The following SENP1 variants were observed in gnomAD, a reference collection of about 807,000 sequenced individuals.
SENP1 encodes the protein sentrin-specific protease 1.
Under a neutral mutation model 93.0 loss-of-function variants are expected in SENP1, and 21 were observed. The observed-to-expected ratio is 0.23, with a 90% confidence interval of 0.16 to 0.33. The LOEUF (loss-of-function observed/expected upper bound fraction) is 0.33. Ranked by LOEUF, SENP1 falls within the 10% of genes least tolerant of loss-of-function variation. The pLI, the probability that SENP1 is intolerant of heterozygous loss-of-function variation, is 1.00. For missense variants in SENP1, 591 were observed against 758.7 expected, an observed-to-expected ratio of 0.78 and a Z score of 2.60; for synonymous variants, 256 against 259.6, an observed-to-expected ratio of 0.99 and a Z score of 0.13.
chr12:48,092,330 A>G (rs1945274711), intron 4 of SENP1, among the ~76,000 whole-genome samples: 1 of 152,244 alleles, frequency 6.6e-6, no homozygotes, highest in Admixed American at 6.5e-5. Flanking sequence ...GATTATCAGA[A>G]AAGAATATAT....
chr12:48,076,954 T>C (rs1487669575), intron 6 of SENP1, among the ~76,000 whole-genome samples: 1 of 152,212 alleles, frequency 6.6e-6, no homozygotes, highest in Non-Finnish European at 1.5e-5. Context: ...CACCAATTTG[T>C]AGTTTAACAC....
intron 1 of SENP1, chr12:48,105,662 A>G (rs1946483940): frequency 2.3e-6 from 1 of 429,654 alleles, no homozygotes; most frequent in Admixed American, 3.5e-5. Context: ...AGCTCTCCCC[A>G]GAGAAGACCC....
intron 13 of SENP1, among the ~76,000 whole-genome samples, chr12:48,050,792 C>T (rs1358281598): frequency 6.6e-6 from 1 of 152,138 alleles, no homozygotes; most frequent in Non-Finnish European, 1.5e-5. Context: ...GAAAAATTGG[C>T]AAGAAGGAAT....
intron 13 of SENP1, among the ~76,000 whole-genome samples, chr12:48,054,405 T>C (rs1244844920): frequency 6.6e-6 from 1 of 152,240 alleles, no homozygotes; most frequent in Non-Finnish European, 1.5e-5. Context: ...ATCTAATTTG[T>C]ATAATGTTAA....
chr12:48,056,175 A>ATATATATTATTTAATATATAG (rs1942290197), intron 13 of SENP1, among the ~76,000 whole-genome samples: 1 of 113,590 alleles, frequency 8.8e-6, no homozygotes, highest in African/African-American at 3.7e-5. Flanking sequence ...ATATTATTTT[A>ATATATATTATTTAATATATAG]TATATATTAT....
intron 6 of SENP1, among the ~76,000 whole-genome samples, chr12:48,075,279 G>A (rs549424364): frequency 6.6e-6 from 1 of 152,172 alleles, no homozygotes; most frequent in African/African-American, 2.4e-5. Flanking sequence ...TAAAAGACAG[G>A]TTGAGTAAAT....
intron 1 of SENP1, among the ~76,000 whole-genome samples, chr12:48,104,536 C>A (rs1278185637): frequency 6.6e-6 from 1 of 152,144 alleles, no homozygotes; most frequent in Non-Finnish European, 1.5e-5. Flanking sequence ...ACGCCGTAAA[C>A]CCTAAGTGTT....
At chr12:48,089,331 G>A (rs781008101) in intron 4 of SENP1, 1 of 1,341,262 alleles carries the variant, frequency 7.5e-7, no homozygotes, top group Admixed American at 2.1e-5. Flanking sequence ...GAAAGCAGGT[G>A]GGGGGCCAGT....
intron 13 of SENP1, among the ~76,000 whole-genome samples, chr12:48,056,437 AATT>A (rs1480625351): frequency 1.2e-5 from 1 of 85,408 alleles, no homozygotes; most frequent in Non-Finnish European, 1.9e-5. Context: ...TTACATATAT[AATT>A]ATTTAATATA....
intron 13 of SENP1, among the ~76,000 whole-genome samples, chr12:48,056,555 C>A (rs1299377459): frequency 1.7e-5 from 1 of 57,266 alleles, no homozygotes; most frequent in African/African-American, 1.0e-4. Flanking sequence ...TAATATATTA[C>A]ATATATAAAT....
At chr12:48,055,598 A>G (rs1942183423) in intron 13 of SENP1, 1 of 152,118 alleles carries the variant, frequency 6.6e-6, no homozygotes, top group Admixed American at 6.6e-5. Context: ...TATACTGTTT[A>G]GTAAGGCAGC....
chr12:48,058,950 T>C (rs890626604), intron 13 of SENP1, among the ~76,000 whole-genome samples: 8 of 152,334 alleles, frequency 5.3e-5, no homozygotes, highest in African/African-American at 1.9e-4. Flanking sequence ...AAGATGTAGC[T>C]ACATTGTCTT....
chr12:48,052,818 T>C (rs1426191966), intron 13 of SENP1, among the ~76,000 whole-genome samples: 1 of 152,216 alleles, frequency 6.6e-6, no homozygotes. Context: ...GCTAGTTCTA[T>C]TTAGAAACAC....
chr12:48,097,914 T>C, intron 3 of SENP1, 80 bp downstream of exon 3: 1 of 1,267,236 alleles, frequency 7.9e-7, no homozygotes. Context: ...TTTTTGAGTG[T>C]GGCATTTAAA....
intron 13 of SENP1, among the ~76,000 whole-genome samples, chr12:48,058,895 G>A (rs1942773161): frequency 6.6e-6 from 1 of 152,158 alleles, no homozygotes; most frequent in Non-Finnish European, 1.5e-5. Context: ...TATTTGCTGG[G>A]TATAGAATTT....
At chr12:48,050,119 G>A (rs1941686510) in intron 13 of SENP1, among the ~76,000 whole-genome samples, 1 of 152,232 alleles carries the variant, frequency 6.6e-6, no homozygotes, top group East Asian at 1.9e-4. Context: ...TATGTGGCCA[G>A]CTGAGGTCAG....
chr12:48,056,203 T>A (rs1293250506), intron 13 of SENP1, among the ~76,000 whole-genome samples: 32 of 115,944 alleles, frequency 2.8e-4, no homozygotes, highest in African/African-American at 1.1e-3. Flanking sequence ...ATAGTATATA[T>A]TATTTAATAT....
At position 48,076,808 on chromosome 12, in the gene SENP1, A is replaced by AT. The variant is rs573642239; in HGVS notation, c.553-2016dup. 4.7e-3 allele frequency among the ~76,000 whole-genome samples: 674 copies of AT among 144,046 alleles called. 1 individual carries two copies. The highest frequency in any genetic ancestry group is 7.8e-3 in the East Asian group (37 of 4,758). The allele number at this position is 144,046 out of a possible 152,430, so 94.5% of individuals were successfully genotyped here. On this transcript the variant is annotated intron_variant, in intron 6 of 17. Transcript: ENST00000549518. ...CAGGTGTGCGCCACCACGCCCAGCC[A>AT]TTTTTTTTTATTATTTTTAGTAGAG...
chr12:48,070,544 T>C (rs944169891), intron 9 of SENP1, among the ~76,000 whole-genome samples: 4 of 152,166 alleles, frequency 2.6e-5, no homozygotes, highest in African/African-American at 4.8e-5. Context: ...GGACTTCACA[T>C]TGTTCCCTAT....
Sources: allele counts gnomAD v4.1 joint callset (sites outside exome capture counted in the v4.1 genomes callset), GRCh38; gene constraint gnomAD v4.1.1; transcripts MANE v1.5; gene names NCBI Gene and HGNC (gene_info 2026-07-23, HGNC 2026-07-21).